Variants in CSMD1 observed in about 807,000 individuals in gnomAD.
CSMD1 encodes the protein CUB and Sushi multiple domains 1.
In CSMD1, 213 loss-of-function variants were observed where a neutral mutation model predicts 417.5. The ratio of observed to expected loss-of-function variants is 0.51; its 90% CI spans 0.46 to 0.57. The LOEUF is 0.57. CSMD1 is among the 20% of genes least tolerant of loss of function. The probability of loss-of-function intolerance (pLI) is 0.00; values close to 1 mark genes in which losing one functional copy is unlikely to be tolerated. For missense variants in CSMD1, 6,923 were observed against 4,529.7 expected (o/e 1.53, Z -15.17); for synonymous variants, 2,862 against 1,736.8 (o/e 1.65, Z -16.11).
chr8:3,675,903 C>T lies in CSMD1; in HGVS notation c.1009+32511G>A, dbSNP rs183146961. The stretch of plus-strand genomic sequence containing the variant: ...CATGATTCTGTCTTGCTGAAGTTCT[C>T]TCTCAGCACTGTCCCATCATTGGAG... On this transcript the variant is annotated intron_variant, in intron 7 of 69. Coordinates refer to ENST00000635120, the MANE Select transcript of CSMD1 (RefSeq NM_033225.6). Among the ~76,000 whole-genome samples the T allele has an allele frequency of 5.3e-5, 8 of 152,312 alleles. No homozygotes were observed. In the East Asian group the frequency reaches 1.4e-3, roughly 26 times the overall value.
Position 3,753,739 on chromosome 8 carries a change from T to G in CSMD1, c.931+191A>C, listed in dbSNP as rs113894895. The stretch of plus-strand genomic sequence containing the variant: ...AAGAAACTATACATATCCTGTATAC[T>G]GTGATAGTGATATAGCTTTACTAAT... On this transcript the variant is annotated intron_variant, in intron 6 of 69. Coordinates refer to ENST00000635120, the MANE Select transcript of CSMD1 (RefSeq NM_033225.6). 8.9e-3 allele frequency among the ~76,000 whole-genome samples: 1,359 copies of G among 152,352 alleles called. 24 individuals carry two copies. The highest frequency in any genetic ancestry group is 0.031 in the African/African-American group (1,283 of 41,580).
intron 25 of CSMD1, among the ~76,000 whole-genome samples, chr8:3,296,368 G>C (rs1335486321): frequency 2.0e-5 from 3 of 152,142 alleles, no homozygotes; most frequent in African/African-American, 4.8e-5. Context: ...AAGGGGGACT[G>C]GGAAGGAAGA....
At chr8:3,516,265 G>C (rs1186954737) in intron 10 of CSMD1, among the ~76,000 whole-genome samples, 3 of 152,182 alleles carry the variant, frequency 2.0e-5, no homozygotes, top group Non-Finnish European at 2.9e-5. Flanking sequence ...GCTGTGCATA[G>C]GTATGGAGCT....
chr8:3,761,894 G>T lies in CSMD1; in HGVS notation c.819-7852C>A, dbSNP rs528148148. 5.3e-5 allele frequency among the ~76,000 whole-genome samples: 8 copies of T among 152,138 alleles called. No individual in the cohort carries two copies. In the South Asian group the frequency reaches 1.7e-3, roughly 32 times the overall value. On this transcript the variant is annotated intron_variant, in intron 5 of 69. Transcript: ENST00000635120. The stretch of plus-strand genomic sequence containing the variant: ...AAAGGCCTTCTCTCTCCCTGACAAT[G>T]ATTTTTCTCCCTCTGGCTCTCTTTT...
intron 7 of CSMD1, among the ~76,000 whole-genome samples, chr8:3,701,417 C>G (rs1003502917): frequency 6.6e-6 from 1 of 152,008 alleles, no homozygotes; most frequent in Non-Finnish European, 1.5e-5. Flanking sequence ...AGTCTGTCCC[C>G]GGGCTGAACC....
In CSMD1 at chr8:3,214,581, T is replaced by C. The variant is rs1254637801; in HGVS notation, c.4783A>G (p.Lys1595Glu). The C allele has an allele frequency of 1.3e-6, 2 of 1,580,602 alleles. No homozygotes were observed. Among genetic ancestry groups the C allele is most frequent in the Admixed American group, 1.8e-5 (1 of 54,848 alleles). Residue 1595 changes from lysine (K) to glutamate (E), a missense_variant, in exon 30 of 70, where the codon AAG becomes GAG. Transcript: ENST00000635120. The stretch of plus-strand genomic sequence containing the variant: ...GTGATGGATGAGGGGTCAAGAATCT[T>C]ATAGCCAGAGTCACACTGGTAGGTG... ...TITYQCDSGY[K>E]ILDPSSITCV...
chr8:4,461,328 T>C (rs1448964519), intron 2 of CSMD1, among the ~76,000 whole-genome samples: 1 of 151,932 alleles, frequency 6.6e-6, no homozygotes, highest in Admixed American at 6.6e-5. Context: ...ATAAGACAAA[T>C]TCTATTCCAC....
At chr8:4,211,145 C>T (rs891545533) in intron 3 of CSMD1, among the ~76,000 whole-genome samples, 2 of 151,638 alleles carry the variant, frequency 1.3e-5, no homozygotes, top group African/African-American at 4.8e-5. Context: ...GTTCTAATCA[C>T]TAAATAATTT....
At chr8:4,939,219 A>G (rs900394946) in intron 1 of CSMD1, among the ~76,000 whole-genome samples, 17 of 152,244 alleles carry the variant, frequency 1.1e-4, no homozygotes, top group Admixed American at 2.0e-4. Flanking sequence ...GTAAATTAGT[A>G]AAGCAAATAT....
At chr8:3,119,830 T>G (rs1817093052) in intron 41 of CSMD1, among the ~76,000 whole-genome samples, 1 of 152,182 alleles carries the variant, frequency 6.6e-6, no homozygotes, top group Non-Finnish European at 1.5e-5. Context: ...CCCTGCCATG[T>G]AATTCTGCTG....
chr8:3,262,163 T>C (rs1298359860), intron 26 of CSMD1, among the ~76,000 whole-genome samples: 1 of 135,366 alleles, frequency 7.4e-6, no homozygotes, highest in Non-Finnish European at 1.5e-5. Context: ...ACCATTTTAT[T>C]TCTAAAATTA....
chr8:4,295,290 T>C (rs1391215281), intron 3 of CSMD1, among the ~76,000 whole-genome samples: 1 of 121,610 alleles, frequency 8.2e-6, no homozygotes, highest in Non-Finnish European at 1.7e-5. Flanking sequence ...GCACATATAA[T>C]CTTAAGATTA....
chr8:3,796,308 G>GT lies in CSMD1; in HGVS notation c.819-42267_819-42266insA, dbSNP rs1800123061. 5.2e-5 allele frequency among the ~76,000 whole-genome samples: 4 copies of GT among 76,706 alleles called. 2 individuals carry two copies. Among genetic ancestry groups the GT allele is most frequent in the African/African-American group, 2.4e-4 (4 of 16,714 alleles). The allele number at this position is 76,706 out of a possible 152,430, so 50.3% of individuals were successfully genotyped here. A position where few individuals can be genotyped will look rare whatever the true frequency, so the allele number is the denominator to read the frequency against. ...TGTATAGATATATCTATCATGTATA[G>GT]ATATAGATATCTATCATGTATAGAT... On this transcript the variant is annotated intron_variant, in intron 5 of 69. Coordinates refer to ENST00000635120, the MANE Select transcript of CSMD1 (RefSeq NM_033225.6).
chr8:4,038,178 G>A (rs1006333618), intron 3 of CSMD1, among the ~76,000 whole-genome samples: 1 of 151,868 alleles, frequency 6.6e-6, no homozygotes, highest in African/African-American at 2.4e-5. Context: ...TAGGGATTGG[G>A]GATTTTTATC....
At chr8:3,826,601 C>T (rs984223792) in intron 5 of CSMD1, among the ~76,000 whole-genome samples, 1 of 152,112 alleles carries the variant, frequency 6.6e-6, no homozygotes, top group Non-Finnish European at 1.5e-5. Context: ...GCCCAGCTTT[C>T]CTCTCAGTCC....
chr8:4,393,480 C>A (rs561279923), intron 3 of CSMD1, among the ~76,000 whole-genome samples: 4 of 152,262 alleles, frequency 2.6e-5, no homozygotes, highest in Non-Finnish European at 5.9e-5. Context: ...GTTGAGATGG[C>A]AGCAGCCACT....
At chr8:2,958,566 ATGG>A (rs1803194869) in intron 62 of CSMD1, among the ~76,000 whole-genome samples, 1 of 152,174 alleles carries the variant, frequency 6.6e-6, no homozygotes, top group Non-Finnish European at 1.5e-5. Flanking sequence ...AGAATGAGCT[ATGG>A]TCGTGTGTTG....
In CSMD1 at chr8:3,998,017, G is replaced by A. The variant is rs774768574; in HGVS notation, c.704C>T (p.Thr235Ile). Reference sequence around the variant, plus strand: ...CCCGGGCTCAGCCAGAATGGTCCAGGTGCAGTCCGCGTTGTTCTCGTACTC... The same window carrying A: ...CCCGGGCTCAGCCAGAATGGTCCAGATGCAGTCCGCGTTGTTCTCGTACTC... ...PSEYENNADC[T>I]WTILAEPGDT... is the part of the protein sequence containing the mutation. The change falls in exon 5 of 70, where the codon ACC becomes ATC. Residue 235 changes from threonine to isoleucine, a missense_variant. Coordinates refer to ENST00000635120, the MANE Select transcript of CSMD1 (RefSeq NM_033225.6). 4 of 1,608,276 alleles carry A rather than the reference G, an allele frequency of 2.5e-6. No homozygotes were observed. Among genetic ancestry groups the A allele is most frequent in the South Asian group, 1.1e-5 (1 of 89,732 alleles).
chr8:4,277,774 G>GTC (rs1174696755), intron 3 of CSMD1, among the ~76,000 whole-genome samples: 1 of 152,112 alleles, frequency 6.6e-6, no homozygotes, highest in Admixed American at 6.6e-5. Flanking sequence ...CTGAGACGGA[G>GTC]TCTCACTCTG....
Sources: gnomAD v4.1 joint callset for allele counts (sites outside exome capture counted in the v4.1 genomes callset) on GRCh38, gnomAD v4.1.1 for gene constraint, MANE v1.5 for transcripts, NCBI Gene and HGNC (gene_info 2026-07-23, HGNC 2026-07-21) for gene names.